DAND5: variants seen among roughly 807,000 people sequenced by gnomAD.
The protein encoded by DAND5 is DAN domain family member 5.
In DAND5, 8 loss-of-function variants were observed where a neutral mutation model predicts 9.2. The observed-to-expected ratio is 0.87, with a 90% CI of 0.51 to 1.56. The LOEUF (loss-of-function observed/expected upper bound fraction) is 1.56. Ranked by LOEUF, DAND5 falls within the 40% of genes most tolerant of loss-of-function variation. The pLI, the probability that DAND5 is intolerant of heterozygous loss-of-function variation, is 0.00. For synonymous variants in DAND5, 95 were observed against 101.1 expected (o/e 0.94, Z 0.36); for missense variants, 244 against 244.7 (o/e 1.00, Z 0.02).
chr19:12,972,865 T>C (rs917321915), intron 1 of DAND5, among the ~76,000 whole-genome samples: 3 of 144,654 alleles, frequency 2.1e-5, no homozygotes, highest in African/African-American at 5.0e-5. Flanking sequence ...TCTTTTCTTT[T>C]TTTTTTTTTT....
At chr19:12,973,052 C>G (rs193210231) in intron 1 of DAND5, among the ~76,000 whole-genome samples, 42 of 151,204 alleles carry the variant, frequency 2.8e-4, no homozygotes, top group African/African-American at 9.5e-4. Flanking sequence ...TTAGTAGAGA[C>G]GGGGTTTCAC....
rs1338099621 is a variant in DAND5 at position 12,973,397 on chromosome 19, C to T, written c.333C>T (p.Ser111=). The T allele has an allele frequency of 1.9e-6, 3 of 1,613,826 alleles. No individual in the cohort carries two copies. The Admixed American group carries it at 5.0e-5, about 27-fold the overall frequency. ...CKAVPFVQVF[S]RPGCSAIRLR... ...CATGCCTCCGGCCCCAGGTGTTCTC[C>T]CGGCCCGGCTGCTCAGCCATACGCC... The change falls in exon 2 of 2, where the codon TCC becomes TCT. Residue 111 remains serine, a synonymous_variant. Coordinates refer to ENST00000317060, the MANE Select transcript of DAND5 (RefSeq NM_152654.3).
In DAND5 at chr19:12,973,531, C is replaced by T. The variant is rs1425658043; in HGVS notation, c.467C>T (p.Ala156Val). 2 of 1,614,058 alleles carry T rather than the reference C, an allele frequency of 1.2e-6. No homozygotes were observed. Among genetic ancestry groups the T allele is most frequent in the Non-Finnish European group, 1.7e-6 (2 of 1,180,030 alleles). ...NSCMPARKRWAPVVLWCLTGS... is the reference protein window; with the variant it reads ...NSCMPARKRWVPVVLWCLTGS... ...TGTATGCCTGCTCGCAAGCGTTGGG[C>T]ACCCGTGGTCCTGTGGTGTCTCACT... is the stretch of plus-strand genomic sequence containing the variant. The change falls in exon 2 of 2, where the codon GCA becomes GTA. Residue 156 changes from alanine to valine, a missense_variant. Ala to Val is a moderately conservative substitution (Grantham distance 64). Transcript: ENST00000317060.
Position 12,969,944 on chromosome 19 carries a change from A to G in DAND5, c.284A>G (p.Glu95Gly), listed in dbSNP as rs763900976. The G allele has an allele frequency of 6.2e-7, 1 of 1,614,124 alleles. No individual in the cohort carries two copies. Among genetic ancestry groups the G allele is most frequent in the Non-Finnish European group, 8.5e-7 (1 of 1,180,036 alleles). The change falls in exon 1 of 2, where the codon GAA (glutamate) becomes GGA (glycine). Residue 95 changes from glutamate (E) to glycine (G), a missense_variant. Glu to Gly is a moderately conservative substitution (Grantham distance 98). Coordinates refer to ENST00000317060, the MANE Select transcript of DAND5 (RefSeq NM_152654.3). The stretch of plus-strand genomic sequence containing the variant: ...GTGACTCTGCCGCTGAACCCTCAGG[A>G]AGTGATCCAGGGGATGTGTAAGGCT... ...AAVTLPLNPQ[E>G]VIQGMCKAVP...
In DAND5 at chr19:12,970,639, C is replaced by CTCTTTCTTTCTTTCTT. The variant is rs60689658; in HGVS notation, c.324+662_324+677dup. 1.7e-3 allele frequency: 786 copies of CTCTTTCTTTCTTTCTT among 458,864 alleles called. 5 individuals carry two copies. Among genetic ancestry groups the CTCTTTCTTTCTTTCTT allele is most frequent in the African/African-American group, 0.016 (711 of 45,752 alleles). The allele number at this position is 458,864 out of a possible 1,614,324, so 28.4% of individuals were successfully genotyped here. ...TTTCTTTCTTTGTTTTTCTTTTTTT[C>CTCTTTCTTTCTTTCTT]TCTTTCTTTCTTTCTTTCTTTCCTT... On this transcript the variant is annotated intron_variant, in intron 1 of 1. Transcript: ENST00000317060.
chr19:12,970,183 A>G (rs1481215248), intron 1 of DAND5, among the ~76,000 whole-genome samples, 199 bp downstream of exon 1: 2 of 144,524 alleles, frequency 1.4e-5, no homozygotes, highest in East Asian at 4.0e-4. Flanking sequence ...GCCCCTCTCC[A>G]CCCCCCAGTC....
intron 1 of DAND5, among the ~76,000 whole-genome samples, chr19:12,972,652 C>T (rs1430615022): frequency 6.6e-6 from 1 of 151,866 alleles, no homozygotes; most frequent in South Asian, 2.1e-4. Flanking sequence ...GCAATTCTTC[C>T]ACCTCAGCCT....
At chr19:12,973,354 C>T (rs1245903732) in intron 1 of DAND5, 35 bp from the exon 2 acceptor site, 9 of 1,604,554 alleles carry the variant, frequency 5.6e-6, no homozygotes, top group East Asian at 4.5e-5. Context: ...CCCCAAACTC[C>T]GCCACCCTGA....
At chr19:12,973,333 C>T (rs538656557) in intron 1 of DAND5, 56 bp from the exon 2 acceptor site, 41 of 1,582,316 alleles carry the variant, frequency 2.6e-5, no homozygotes, top group South Asian at 2.0e-4. Flanking sequence ...TGATTATCCT[C>T]GCCACTCTGG....
intron 1 of DAND5, among the ~76,000 whole-genome samples, chr19:12,973,019 C>T (rs930326804): frequency 2.2e-4 from 33 of 151,496 alleles, no homozygotes; most frequent in African/African-American, 4.6e-4. Flanking sequence ...CCCACCACCA[C>T]GCCCGGCTCA....
intron 1 of DAND5, among the ~76,000 whole-genome samples, chr19:12,972,167 T>C (rs2011148847): frequency 6.6e-6 from 1 of 151,082 alleles, no homozygotes; most frequent in African/African-American, 2.4e-5. Context: ...CACGCCACTC[T>C]CCTGCCTCAG....
intron 1 of DAND5, chr19:12,970,431 C>T: frequency 1.4e-6 from 1 of 700,644 alleles, no homozygotes; most frequent in East Asian, 2.7e-5. Flanking sequence ...CAGACACCAA[C>T]TTTCTTTCTG....
In DAND5 at chr19:12,973,748, C is replaced by A. The variant is rs2011159356; in HGVS notation, c.*114C>A. 6.7e-7 allele frequency: 1 copy of A among 1,483,654 alleles called. No homozygotes were observed. Among genetic ancestry groups the A allele is most frequent in the Non-Finnish European group, 9.0e-7 (1 of 1,110,990 alleles). The allele number at this position is 1,483,654 out of a possible 1,614,324, so 91.9% of individuals were successfully genotyped here. A position where few individuals can be genotyped will look rare whatever the true frequency, so the allele number is the denominator to read the frequency against. ...ACTCTGGGTCAAGAGACCAGGGATG[C>A]AGGGTTAGGCAGACAGGTCCCCAGA... On this transcript the variant is annotated 3_prime_UTR_variant, in exon 2 of 2. Transcript: ENST00000317060.
intron 1 of DAND5, among the ~76,000 whole-genome samples, chr19:12,973,085 A>T (rs1010635211): frequency 6.7e-6 from 1 of 148,884 alleles, no homozygotes; most frequent in Non-Finnish European, 1.5e-5. Flanking sequence ...GATGGTCTCG[A>T]TCTGCTGACC....
intron 1 of DAND5, among the ~76,000 whole-genome samples, chr19:12,971,365 G>A (rs958422386): frequency 5.3e-5 from 8 of 151,664 alleles, no homozygotes; most frequent in Admixed American, 5.3e-4. Flanking sequence ...TGCAACCTCC[G>A]CCTCCCGGGT....
At position 12,973,836 on chromosome 19, in the gene DAND5, T is replaced by G. The variant is rs1192558738; in HGVS notation, c.*202T>G. ...CGTCCTGGAGTTGCACCACTGATAG[T>G]CACAGCACACAATGATTGACAACTC... is the stretch of plus-strand genomic sequence containing the variant. On this transcript the variant is annotated 3_prime_UTR_variant, in exon 2 of 2. Coordinates refer to ENST00000317060, the MANE Select transcript of DAND5 (RefSeq NM_152654.3). 1.5e-6 allele frequency: 1 copy of G among 649,942 alleles called. No homozygotes were observed. The highest frequency in any genetic ancestry group is 2.5e-6 in the Non-Finnish European group (1 of 394,082). 40.3% of individuals were successfully genotyped at this position (649,942 alleles called of 1,614,324 possible).
At position 12,973,652 on chromosome 19, in the gene DAND5, G is replaced by C. The variant is rs1228036197; in HGVS notation, c.*18G>C. 12 of 1,608,530 alleles carry C rather than the reference G, an allele frequency of 7.5e-6. No individual in the cohort carries two copies. In the South Asian group the frequency reaches 1.2e-4, roughly 16 times the overall value. On this transcript the variant is annotated 3_prime_UTR_variant, in exon 2 of 2. Coordinates refer to ENST00000317060, the MANE Select transcript of DAND5 (RefSeq NM_152654.3). ...AAGCATGAACTGAGCATCGTGGATGGGTGCACGGAGACACGCACCTTGGAG... is the reference window on the plus strand; with the variant it reads ...AAGCATGAACTGAGCATCGTGGATGCGTGCACGGAGACACGCACCTTGGAG...
In DAND5 at chr19:12,969,751, C is replaced by T. The variant is rs545711323; in HGVS notation, c.91C>T (p.Pro31Ser). The change falls in exon 1 of 2, where the codon CCT (proline) becomes TCT (serine). Residue 31 changes from proline (P) to serine (S), a missense_variant. Transcript: ENST00000317060. ...SGRPEPQSPR[P>S]QSWAAANQTW... ...GAGGCCTGAACCCCAGTCTCCTCGA[C>T]CTCAGTCCTGGGCTGCAGCCAATCA... is the stretch of plus-strand genomic sequence containing the variant. The T allele has an allele frequency of 1.9e-6, 3 of 1,591,448 alleles. No homozygotes were observed. The highest frequency in any genetic ancestry group is 2.3e-5 in the South Asian group (2 of 86,918).
chr19:12,969,687 T>G lies in DAND5; in HGVS notation c.27T>G (p.Leu9=). The G allele has an allele frequency of 6.2e-7, 1 of 1,607,208 alleles. No individual in the cohort carries two copies. Among genetic ancestry groups the G allele is most frequent in the Non-Finnish European group, 8.5e-7 (1 of 1,177,128 alleles). Residue 9 remains leucine (L), a synonymous_variant, in exon 1 of 2, where the codon CTT becomes CTG. Transcript: ENST00000317060. ...TGCTCCTTGGCCAGCTATCCACTCT[T>G]CTGTGCCTGCTTAGCGGGGCCCTGC... MLLGQLST[L]LCLLSGALPT... is the part of the protein sequence containing the mutation.
Sources: allele counts gnomAD v4.1 joint callset (sites outside exome capture counted in the v4.1 genomes callset), GRCh38; gene constraint gnomAD v4.1.1; transcripts MANE v1.5; gene names NCBI Gene and HGNC (gene_info 2026-07-23, HGNC 2026-07-21).